Variants in SLC8A1 observed in about 807,000 individuals in gnomAD.
The protein encoded by SLC8A1 is solute carrier family 8 member A1, also known as sodium/calcium exchanger 1.
In SLC8A1, 18 loss-of-function variants were observed where a neutral mutation model predicts 68.3. That is an observed-to-expected ratio of 0.26 (90% CI 0.18 to 0.39). SLC8A1 has a LOEUF of 0.39. Ranked by LOEUF, SLC8A1 falls within the 10% of genes least tolerant of loss-of-function variation. SLC8A1 has a pLI of 1.00. For synonymous variants in SLC8A1, 475 were observed against 415.5 expected (o/e 1.14, Z -1.74); for missense variants, 985 against 1,156.7 (o/e 0.85, Z 2.15).
chr2:40,392,575 T>G (rs1252761581), intron 2 of SLC8A1, among the ~76,000 whole-genome samples: 2 of 152,118 alleles, frequency 1.3e-5, no homozygotes, highest in Non-Finnish European at 2.9e-5. Flanking sequence ...CATGGGTAAG[T>G]GCTAATTGCT....
chr2:40,501,719 C>G (rs1262976570), intron 1 of SLC8A1, among the ~76,000 whole-genome samples: 1 of 152,058 alleles, frequency 6.6e-6, no homozygotes, highest in Non-Finnish European at 1.5e-5. Context: ...TGTGCTTCAT[C>G]ATGTCCTTTT....
intron 1 of SLC8A1, among the ~76,000 whole-genome samples, chr2:40,436,256 T>C (rs892890677): frequency 4.6e-5 from 7 of 152,006 alleles, no homozygotes; most frequent in Admixed American, 3.3e-4. Context: ...ATTGAATGAG[T>C]AAAGTAATGC....
intron 1 of SLC8A1, among the ~76,000 whole-genome samples, chr2:40,511,777 C>T (rs1706742469): frequency 6.6e-6 from 1 of 152,106 alleles, no homozygotes; most frequent in Admixed American, 6.5e-5. Flanking sequence ...GCGTAAGACC[C>T]CGTGTTTGTG....
intron 2 of SLC8A1, among the ~76,000 whole-genome samples, chr2:40,348,246 TTTAA>T (rs1189764816): frequency 5.3e-5 from 8 of 152,152 alleles, no homozygotes; most frequent in African/African-American, 1.9e-4. Context: ...GGGCAAGTCA[TTTAA>T]TTGCTCTGAA....
chr2:40,470,062 T>TAC (rs1240182600), intron 1 of SLC8A1, among the ~76,000 whole-genome samples: 1 of 151,638 alleles, frequency 6.6e-6, no homozygotes. Flanking sequence ...TTCAACATTG[T>TAC]TTTAGTACTT....
intron 2 of SLC8A1, among the ~76,000 whole-genome samples, chr2:40,356,682 A>G (rs1314611917): frequency 6.6e-6 from 1 of 152,126 alleles, no homozygotes; most frequent in African/African-American, 2.4e-5. Context: ...CCCCATGCAG[A>G]GAAGGGTCCA....
chr2:40,418,349 G>C (rs1694484695), intron 2 of SLC8A1, among the ~76,000 whole-genome samples: 2 of 152,080 alleles, frequency 1.3e-5, no homozygotes, highest in South Asian at 4.1e-4. Context: ...GAATATATCA[G>C]CTTATAGCAT....
intron 7 of SLC8A1, among the ~76,000 whole-genome samples, chr2:40,120,012 C>T (rs931233441): frequency 1.2e-4 from 19 of 152,158 alleles, no homozygotes; most frequent in African/African-American, 4.1e-4. Context: ...AAAAATAGGC[C>T]AATACTCTCC....
intron 2 of SLC8A1, among the ~76,000 whole-genome samples, chr2:40,371,207 T>A (rs377450243): frequency 6.6e-6 from 1 of 152,234 alleles, no homozygotes; most frequent in African/African-American, 2.4e-5. Context: ...AAAGTCTAGA[T>A]TTAGTACAGG....
chr2:40,113,394 G>A (rs192316925), exon 8 of SLC8A1: 1 of 152,564 alleles, frequency 6.6e-6, no homozygotes, highest in Admixed American at 6.6e-5. Context: ...TTGGAATGTT[G>A]GGTTTATCCA....
chr2:40,457,297 T>C (rs554594400), intron 1 of SLC8A1, among the ~76,000 whole-genome samples: 4 of 152,304 alleles, frequency 2.6e-5, no homozygotes, highest in Admixed American at 2.6e-4. Context: ...CAGGCAGTTG[T>C]TCCCTACAAT....
chr2:40,315,776 G>C (rs10167003), intron 2 of SLC8A1, among the ~76,000 whole-genome samples: 13,575 of 152,040 alleles, frequency 0.089, 894 homozygotes, highest in African/African-American at 0.19. Context: ...CCCAGAGATA[G>C]AAATTTATCT....
At chr2:40,482,433 T>C (rs376347675) in intron 1 of SLC8A1, among the ~76,000 whole-genome samples, 5 of 152,142 alleles carry the variant, frequency 3.3e-5, no homozygotes, top group Admixed American at 2.6e-4. Flanking sequence ...CATATGGCCA[T>C]GTGAATGTAC....
intron 1 of SLC8A1, among the ~76,000 whole-genome samples, chr2:40,466,972 TAA>T (rs10642728): frequency 4.8e-4 from 69 of 143,860 alleles, no homozygotes; most frequent in East Asian, 3.8e-3. Context: ...ATGAGTTATC[TAA>T]AAAAAAAAAA....
At chr2:40,334,845 T>A (rs1489458080) in intron 2 of SLC8A1, among the ~76,000 whole-genome samples, 3 of 152,298 alleles carry the variant, frequency 2.0e-5, no homozygotes, top group African/African-American at 7.2e-5. Flanking sequence ...CCCTCGGCCA[T>A]ACTGCTCTCA....
chr2:40,327,676 G>A (rs2075982763), intron 2 of SLC8A1, among the ~76,000 whole-genome samples: 1 of 152,128 alleles, frequency 6.6e-6, no homozygotes, highest in South Asian at 2.1e-4. Flanking sequence ...AATACTGCAT[G>A]TTATCACATA....
At chr2:40,180,716 T>C (rs1217207157) in intron 2 of SLC8A1, among the ~76,000 whole-genome samples, 4 of 152,210 alleles carry the variant, frequency 2.6e-5, no homozygotes, top group Non-Finnish European at 2.9e-5. Context: ...GACGTTATAT[T>C]TCTCCATCTT....
intron 2 of SLC8A1, among the ~76,000 whole-genome samples, chr2:40,196,602 T>C (rs1376379911): frequency 6.6e-6 from 1 of 152,156 alleles, no homozygotes; most frequent in East Asian, 1.9e-4. Flanking sequence ...TCCCCTAATA[T>C]ATCTAATGCA....
intron 4 of SLC8A1, among the ~76,000 whole-genome samples, chr2:40,168,396 AGTACAATG>A (rs2046909647): frequency 6.6e-6 from 1 of 152,210 alleles, no homozygotes. Context: ...GAGAAATCAA[AGTACAATG>A]GTACAGGGTC....
Sources: allele counts gnomAD v4.1 joint callset (sites outside exome capture counted in the v4.1 genomes callset), GRCh38; gene constraint gnomAD v4.1.1; transcripts MANE v1.5; gene names NCBI Gene and HGNC (gene_info 2026-07-23, HGNC 2026-07-21).